The following HKDC1 variants were observed in gnomAD, a reference collection of about 807,000 sequenced individuals.
HKDC1 encodes the protein hexokinase HKDC1.
In HKDC1, 66 loss-of-function variants were observed where a neutral mutation model predicts 96.6. The observed-to-expected ratio is 0.68, with a 90% CI of 0.56 to 0.84. The LOEUF is 0.84. Ranked by LOEUF, HKDC1 falls within the 40% of genes least tolerant of loss-of-function variation. The pLI, the probability that HKDC1 is intolerant of heterozygous loss-of-function variation, is 0.00. For synonymous variants in HKDC1, 466 were observed against 473.1 expected (o/e 0.98, Z 0.20); for missense variants, 1,211 against 1,208.1 (o/e 1.00, Z -0.04).
intron 6 of HKDC1, among the ~76,000 whole-genome samples, chr10:69,241,693 C>A (rs72814226): frequency 6.6e-6 from 1 of 152,088 alleles, no homozygotes. Flanking sequence ...CAGTGTTTGC[C>A]AGGCTGCTCT....
chr10:69,232,254 C>A, intron 2 of HKDC1: 1 of 161,432 alleles, frequency 6.2e-6, no homozygotes, highest in Admixed American at 5.9e-5. Flanking sequence ...ACCTCAAGGG[C>A]CATTGTTTAG....
At chr10:69,248,333 C>T in intron 9 of HKDC1, 91 bp from the exon 10 acceptor site, 3 of 1,339,130 alleles carry the variant, frequency 2.2e-6, no homozygotes, top group Non-Finnish European at 3.0e-6. Context: ...CCCGCAGGGC[C>T]CTCCGGGACT....
intron 2 of HKDC1, among the ~76,000 whole-genome samples, chr10:69,231,659 G>A (rs998555893): frequency 6.6e-6 from 1 of 152,124 alleles, no homozygotes; most frequent in African/African-American, 2.4e-5. Flanking sequence ...GCTGATTTAT[G>A]CGCCTGTATT....
At chr10:69,227,401 G>A in intron 2 of HKDC1, 32 bp downstream of exon 2, 2 of 1,612,832 alleles carry the variant, frequency 1.2e-6, no homozygotes, top group Non-Finnish European at 1.7e-6. Flanking sequence ...CAGGGTCCCT[G>A]GCTCCTCTTG....
At chr10:69,225,159 G>A (rs1486994422) in intron 1 of HKDC1, among the ~76,000 whole-genome samples, 1 of 152,128 alleles carries the variant, frequency 6.6e-6, no homozygotes, top group Non-Finnish European at 1.5e-5. Flanking sequence ...CCCCAACTGG[G>A]TCTCAAAAAA....
At chr10:69,223,731 C>T (rs1441262423) in intron 1 of HKDC1, among the ~76,000 whole-genome samples, 10 of 149,944 alleles carry the variant, frequency 6.7e-5, no homozygotes, top group Admixed American at 1.3e-4. Context: ...GATCACAGGC[C>T]GCACCACCAC....
intron 12 of HKDC1, 134 bp downstream of exon 12, chr10:69,250,786 A>G: frequency 3.3e-6 from 3 of 919,896 alleles, no homozygotes; most frequent in Non-Finnish European, 3.3e-6. Flanking sequence ...AACACATGAT[A>G]GAGAATTTCA....
chr10:69,256,522 C>T (rs1236582677), intron 12 of HKDC1, among the ~76,000 whole-genome samples: 1 of 152,144 alleles, frequency 6.6e-6, no homozygotes, highest in African/African-American at 2.4e-5. Flanking sequence ...GCCTGGCCAA[C>T]ATGGTGAAAC....
intron 9 of HKDC1, among the ~76,000 whole-genome samples, chr10:69,248,094 G>A (rs192805225): frequency 6.6e-5 from 10 of 152,328 alleles, no homozygotes; most frequent in Admixed American, 5.2e-4. Flanking sequence ...GGGTGGACTT[G>A]GAAGTCAAGT....
chr10:69,266,086 T>C (rs1427431612), intron 17 of HKDC1, among the ~76,000 whole-genome samples: 1 of 152,128 alleles, frequency 6.6e-6, no homozygotes, highest in African/African-American at 2.4e-5. Context: ...GCACTAATAA[T>C]CCCTACCACA....
At chr10:69,250,171 G>A in intron 10 of HKDC1, 119 bp from the exon 11 acceptor site, 1 of 1,159,606 alleles carries the variant, frequency 8.6e-7, no homozygotes, top group Non-Finnish European at 1.2e-6. Flanking sequence ...CGACCCTCTG[G>A]TCTATGAGGC....
Position 69,246,194 on chromosome 10 carries a change from A to G in HKDC1, c.991A>G (p.Lys331Glu). 2 of 1,614,164 alleles carry G rather than the reference A, an allele frequency of 1.2e-6. No individual in the cohort carries two copies. Among genetic ancestry groups the G allele is most frequent in the South Asian group, 2.2e-5 (2 of 91,074 alleles). ...TGAGAAATCTTCTGCTCTCCACACTAAGGGCAAGATCGAAACACGGCACGT... is the reference window on the plus strand; with the variant it reads ...TGAGAAATCTTCTGCTCTCCACACTGAGGGCAAGATCGAAACACGGCACGT... ...GGEKSSALHT[K>E]GKIETRHVAA... Residue 331 changes from lysine (K) to glutamate (E), a missense_variant, in exon 8 of 18, where the codon AAG becomes GAG. Lys to Glu is a moderately conservative substitution (Grantham distance 56, BLOSUM62 1). Transcript: ENST00000354624.
rs768438980 is a variant in HKDC1 at position 69,227,239 on chromosome 10, C to T, written c.96C>T (p.Ser32=). The change falls in exon 2 of 18, where the codon TCC becomes TCT. Residue 32 remains serine (S), a synonymous_variant. Coordinates refer to ENST00000354624, the MANE Select transcript of HKDC1 (RefSeq NM_025130.4). ...GGTTCCTGTATCACATGCGGCTCTC[C>T]GATGACACCCTTTTGGACATCATGA... is the stretch of plus-strand genomic sequence containing the variant. ...VDRFLYHMRL[S]DDTLLDIMRR... is the part of the protein sequence containing the mutation. 57 of 1,613,988 alleles carry T rather than the reference C, an allele frequency of 3.5e-5. No individual in the cohort carries two copies. Among genetic ancestry groups the T allele is most frequent in the South Asian group, 7.7e-5 (7 of 91,086 alleles).
At chr10:69,236,544 G>T (rs1257287486) in intron 4 of HKDC1, among the ~76,000 whole-genome samples, 1 of 151,884 alleles carries the variant, frequency 6.6e-6, no homozygotes, top group Non-Finnish European at 1.5e-5. Context: ...ACTTTGGGAG[G>T]CCGAGGAGGG....
chr10:69,265,532 A>G, intron 16 of HKDC1, 53 bp from the exon 17 acceptor site: 1 of 1,503,410 alleles, frequency 6.7e-7, no homozygotes, highest in East Asian at 2.3e-5. Context: ...CACACTGGGC[A>G]CATCCCGGGG....
chr10:69,246,277 G>T, intron 8 of HKDC1, 43 bp downstream of exon 8: 1 of 1,603,610 alleles, frequency 6.2e-7, no homozygotes. Flanking sequence ...GGGCTGGGAT[G>T]GGAGGCCCAG....
chr10:69,242,548 A>G (rs372161969), intron 6 of HKDC1, among the ~76,000 whole-genome samples: 11 of 152,000 alleles, frequency 7.2e-5, no homozygotes, highest in African/African-American at 2.7e-4. Context: ...TGTAACCATC[A>G]CCACAATCCG....
chr10:69,225,658 G>T (rs938352811), intron 1 of HKDC1, among the ~76,000 whole-genome samples: 1 of 152,152 alleles, frequency 6.6e-6, no homozygotes, highest in Non-Finnish European at 1.5e-5. Context: ...GTCCTAGCGC[G>T]AAGGTAATGT....
chr10:69,266,409 G>T (rs867131638), intron 17 of HKDC1, among the ~76,000 whole-genome samples: 1 of 151,262 alleles, frequency 6.6e-6, no homozygotes, highest in Middle Eastern at 3.4e-3. Context: ...GCTGCAGTGG[G>T]CTGTGATTGC....
Sources: gnomAD v4.1 joint callset for allele counts (sites outside exome capture counted in the v4.1 genomes callset) on GRCh38, gnomAD v4.1.1 for gene constraint, MANE v1.5 for transcripts, NCBI Gene and HGNC (gene_info 2026-07-23, HGNC 2026-07-21) for gene names.